Variants in HS6ST3 observed in about 807,000 individuals in gnomAD.
The protein encoded by HS6ST3 is heparan sulfate 6-O-sulfotransferase 3, also known as heparan-sulfate 6-O-sulfotransferase 3.
Under a neutral mutation model 36.7 loss-of-function variants are expected in HS6ST3, and 12 were observed. The observed-to-expected ratio is 0.33, with a 90% CI of 0.21 to 0.53. The LOEUF (loss-of-function observed/expected upper bound fraction) is 0.53, where lower values mean the gene tolerates loss of function less well. Among genes scored for constraint, HS6ST3 ranks in the 20% least tolerant of loss-of-function variants. HS6ST3 has a pLI of 0.95. For synonymous variants in HS6ST3, 240 were observed against 257.5 expected, an observed-to-expected ratio of 0.93 and a Z score of 0.65; for missense variants, 584 against 640.9, an observed-to-expected ratio of 0.91 and a Z score of 0.96.
chr13:96,386,707 A>T (rs1465892134), intron 1 of HS6ST3, among the ~76,000 whole-genome samples: 1 of 152,080 alleles, frequency 6.6e-6, no homozygotes, highest in Non-Finnish European at 1.5e-5. Context: ...TCTACTAAAA[A>T]TACAAAAAAT....
At chr13:96,400,290 CACACACAG>C (rs1010337495) in intron 1 of HS6ST3, among the ~76,000 whole-genome samples, 2 of 143,814 alleles carry the variant, frequency 1.4e-5, no homozygotes, top group Admixed American at 1.4e-4. Context: ...CACATATAGA[CACACACAG>C]ACACACAGAT....
rs146134226 is a variant in HS6ST3 at position 96,402,016 on chromosome 13, C to T, written c.707+310447C>T. Among the ~76,000 whole-genome samples the T allele has an allele frequency of 7.4e-4, 112 of 152,186 alleles. 2 individuals are homozygous for T. The East Asian group carries it at 0.02, about 27-fold the overall frequency. ...TGAGATGATGTCTCACTACATTGCCCAGGATGGTTTTGAACTCCTGTGCTC... is the reference window on the plus strand; with the variant it reads ...TGAGATGATGTCTCACTACATTGCCTAGGATGGTTTTGAACTCCTGTGCTC... On this transcript the variant is annotated intron_variant, in intron 1 of 1. Coordinates refer to ENST00000376705, the MANE Select transcript of HS6ST3 (RefSeq NM_153456.4).
intron 1 of HS6ST3, among the ~76,000 whole-genome samples, chr13:96,290,091 G>A (rs981065501): frequency 6.6e-6 from 1 of 152,114 alleles, no homozygotes; most frequent in Non-Finnish European, 1.5e-5. Flanking sequence ...CTTGTTTCCT[G>A]TTGGTCATTG....
At chr13:96,659,843 G>A (rs2056640259) in intron 1 of HS6ST3, among the ~76,000 whole-genome samples, 1 of 151,960 alleles carries the variant, frequency 6.6e-6, no homozygotes. Flanking sequence ...CTCTTCTGTT[G>A]ATACATAAAC....
Position 96,346,114 on chromosome 13 carries a change from C to T in HS6ST3, c.707+254545C>T, listed in dbSNP as rs188250536. On this transcript the variant is annotated intron_variant, in intron 1 of 1. Transcript: ENST00000376705. ...ATGCGCTCTTGCCTGCTGCTCACCT[C>T]CTGCTGTGCAGCCCAGTCCCTAACA... Among the ~76,000 whole-genome samples, 41 of 152,302 alleles carry T rather than the reference C, an allele frequency of 2.7e-4. No individual in the cohort carries two copies. The East Asian group carries it at 7.2e-3, about 27-fold the overall frequency.
intron 1 of HS6ST3, among the ~76,000 whole-genome samples, chr13:96,550,332 T>C (rs1215586226): frequency 1.3e-5 from 2 of 152,166 alleles, no homozygotes; most frequent in Non-Finnish European, 2.9e-5. Flanking sequence ...CCATGTGACA[T>C]GCCTGCCCCT....
chr13:96,254,488 TATATATATATAC>T (rs2054626482), intron 1 of HS6ST3, among the ~76,000 whole-genome samples: 3 of 13,932 alleles, frequency 2.2e-4, no homozygotes, highest in Non-Finnish European at 3.1e-4. Flanking sequence ...TATATATATA[TATATATATATAC>T]ACATACATAC....
At chr13:96,526,830 A>C (rs142183662) in intron 1 of HS6ST3, among the ~76,000 whole-genome samples, 180 of 152,282 alleles carry the variant, frequency 1.2e-3, no homozygotes, top group African/African-American at 4.2e-3. Flanking sequence ...ACTAGTCACA[A>C]ATGGCTGCTG....
chr13:96,688,422 G>C (rs628878), intron 1 of HS6ST3, among the ~76,000 whole-genome samples: 149,725 of 151,994 alleles, frequency 0.99, 73,782 homozygotes, highest in Middle Eastern at 1. Context: ...CTGGTGGCGT[G>C]AACAGGCAGG....
chr13:96,659,239 G>A (rs2056637978), intron 1 of HS6ST3, among the ~76,000 whole-genome samples: 1 of 152,122 alleles, frequency 6.6e-6, no homozygotes, highest in East Asian at 1.9e-4. Context: ...GTTTGGGGTG[G>A]TTATTTTAAT....
chr13:96,724,481 C>T (rs1875948859), intron 1 of HS6ST3, among the ~76,000 whole-genome samples: 1 of 152,138 alleles, frequency 6.6e-6, no homozygotes, highest in African/African-American at 2.4e-5. Flanking sequence ...CATCCATCAG[C>T]CCGGAACCTC....
intron 1 of HS6ST3, among the ~76,000 whole-genome samples, chr13:96,267,436 C>A (rs1418300131): frequency 6.6e-6 from 1 of 152,096 alleles, no homozygotes; most frequent in African/African-American, 2.4e-5. Flanking sequence ...ATTTCTAAAT[C>A]TTTAAATCTA....
chr13:96,422,766 C>A (rs1031830403), intron 1 of HS6ST3, among the ~76,000 whole-genome samples: 1 of 152,120 alleles, frequency 6.6e-6, no homozygotes, highest in South Asian at 2.1e-4. Context: ...GCAAGGTAAC[C>A]AAGCACTGGA....
At position 96,721,140 on chromosome 13, in the gene HS6ST3, T is replaced by C. The variant is rs865953415; in HGVS notation, c.708-111350T>C. ...GTCTCTCTACTGAGCCTAATGATAATTCCTCTTGTTATTGAAGAGCAAGGT... is the reference window on the plus strand; with the variant it reads ...GTCTCTCTACTGAGCCTAATGATAACTCCTCTTGTTATTGAAGAGCAAGGT... On this transcript the variant is annotated intron_variant, in intron 1 of 1. Coordinates refer to ENST00000376705, the MANE Select transcript of HS6ST3 (RefSeq NM_153456.4). Among the ~76,000 whole-genome samples the C allele has an allele frequency of 1.1e-4, 16 of 152,212 alleles. No homozygotes were observed. In the South Asian group the frequency reaches 2.7e-3, roughly 26 times the overall value.
chr13:96,308,454 A>T (rs1461589821), intron 1 of HS6ST3, among the ~76,000 whole-genome samples: 1 of 152,098 alleles, frequency 6.6e-6, no homozygotes, highest in African/African-American at 2.4e-5. Context: ...TAAACATTAG[A>T]TATAGTGGTC....
chr13:96,472,890 T>G (rs2055846214), intron 1 of HS6ST3, among the ~76,000 whole-genome samples: 1 of 152,222 alleles, frequency 6.6e-6, no homozygotes, highest in African/African-American at 2.4e-5. Context: ...TTATTATTCA[T>G]TCACAGTAAG....
intron 1 of HS6ST3, among the ~76,000 whole-genome samples, chr13:96,258,505 G>C (rs2054648535): frequency 6.6e-6 from 1 of 152,170 alleles, no homozygotes. Context: ...CCAATTGTTT[G>C]TTGAACTCTC....
At chr13:96,346,893 A>G (rs992850056) in intron 1 of HS6ST3, among the ~76,000 whole-genome samples, 2 of 152,114 alleles carry the variant, frequency 1.3e-5, no homozygotes, top group Non-Finnish European at 2.9e-5. Flanking sequence ...CATGACTGCT[A>G]TCATGCTGGC....
chr13:96,108,713 C>T (rs1010826468), intron 1 of HS6ST3, among the ~76,000 whole-genome samples: 2 of 151,636 alleles, frequency 1.3e-5, no homozygotes, highest in African/African-American at 2.4e-5. Flanking sequence ...GCTGGTTCCC[C>T]GATAGGAAGG....
Sources: gnomAD v4.1 joint callset for allele counts (sites outside exome capture counted in the v4.1 genomes callset) on GRCh38, gnomAD v4.1.1 for gene constraint, MANE v1.5 for transcripts, NCBI Gene and HGNC (gene_info 2026-07-23, HGNC 2026-07-21) for gene names.